The following PCDH17 variants were observed in gnomAD, a reference collection of about 807,000 sequenced individuals.
PCDH17 encodes the protein protocadherin 17.
Under a neutral mutation model 67.7 loss-of-function variants are expected in PCDH17, and 21 were observed. The observed-to-expected ratio is 0.31, with a 90% CI of 0.22 to 0.45. The LOEUF (loss-of-function observed/expected upper bound fraction) is 0.45, where lower values mean the gene tolerates loss of function less well. PCDH17 is among the 20% of genes least tolerant of loss of function. The pLI is 1.00. For missense variants in PCDH17, 1,471 were observed against 1,564.8 expected, an observed-to-expected ratio of 0.94 and a Z score of 1.01; for synonymous variants, 701 against 656.7, an observed-to-expected ratio of 1.07 and a Z score of -1.03.
At chr13:57,643,595 A>G (rs1954929892) in intron 1 of PCDH17, among the ~76,000 whole-genome samples, 1 of 151,616 alleles carries the variant, frequency 6.6e-6, no homozygotes, top group Non-Finnish European at 1.5e-5. Flanking sequence ...ATCTATTTTA[A>G]AATAGTATAT....
Position 57,634,429 on chromosome 13 carries a change from T to G in PCDH17, c.1883T>G (p.Val628Gly). ...AGCGGGCGTCTCACCTACGAGATCGTGGACGGCAACGACGACCACCTGTTT... is the reference window on the plus strand; with the variant it reads ...AGCGGGCGTCTCACCTACGAGATCGGGGACGGCAACGACGACCACCTGTTT... ...GESGRLTYEI[V>G]DGNDDHLFEI... Residue 628 changes from valine to glycine, a missense_variant, in exon 1 of 4, where the codon GTG (valine) becomes GGG (glycine). Physicochemically the swap from Val to Gly is moderately radical, Grantham distance 109. Transcript: ENST00000377918. This position sits in a 1 kb window ranked among gnomAD's most constrained non-coding sequence, Gnocchi z 7.8. 6.2e-7 allele frequency: 1 copy of G among 1,612,716 alleles called. No homozygotes were observed. The highest frequency in any genetic ancestry group is 8.5e-7 in the Non-Finnish European group (1 of 1,179,924).
rs373977410 is a variant in PCDH17, at chr13:57,634,262, A to T, written c.1716A>T (p.Thr572=). The T allele has an allele frequency of 2.5e-6, 4 of 1,613,126 alleles. No individual in the cohort carries two copies. The highest frequency in any genetic ancestry group is 2.7e-5 in the African/African-American group (2 of 74,936). Residue 572 remains threonine (T), a synonymous_variant, in exon 1 of 4, where the codon ACA becomes ACT. Coordinates refer to ENST00000377918, the MANE Select transcript of PCDH17 (RefSeq NM_001040429.3). This position sits in a 1 kb window ranked among gnomAD's most constrained non-coding sequence, Gnocchi z 7.8. ...HLESNATVRV[T]VLDVNDNAPV... ...AGAGCAACGCCACGGTGAGGGTGACAGTGCTAGACGTGAATGACAACGCGC... is the reference window on the plus strand; with the variant it reads ...AGAGCAACGCCACGGTGAGGGTGACTGTGCTAGACGTGAATGACAACGCGC...
chr13:57,687,662 G>A (rs1955520792), intron 3 of PCDH17, among the ~76,000 whole-genome samples: 2 of 151,470 alleles, frequency 1.3e-5, no homozygotes, highest in Non-Finnish European at 2.9e-5. Context: ...CTTTCATTTG[G>A]ATTCAGCAAT....
At chr13:57,682,430 CGAT>C (rs1955460232) in intron 3 of PCDH17, among the ~76,000 whole-genome samples, 2 of 151,698 alleles carry the variant, frequency 1.3e-5, no homozygotes, top group African/African-American at 4.8e-5. Context: ...GATCTGCTTG[CGAT>C]GTAAATCAGG....
intron 3 of PCDH17, among the ~76,000 whole-genome samples, chr13:57,695,336 A>C (rs764576577): frequency 2.6e-5 from 4 of 151,224 alleles, no homozygotes; most frequent in Non-Finnish European, 5.9e-5. Flanking sequence ...CAATTTTAGC[A>C]TAAACCCTTG....
chr13:57,643,602 A>G (rs1954929994), intron 1 of PCDH17, among the ~76,000 whole-genome samples: 1 of 151,652 alleles, frequency 6.6e-6, no homozygotes, highest in African/African-American at 2.4e-5. Context: ...TTAAAATAGT[A>G]TATCCCAAGT....
At chr13:57,684,579 C>T (rs1298722604) in intron 3 of PCDH17, among the ~76,000 whole-genome samples, 1 of 151,780 alleles carries the variant, frequency 6.6e-6, no homozygotes, top group African/African-American at 2.4e-5. Flanking sequence ...ATTCAAAACC[C>T]ATTATTTATC....
Position 57,728,137 on chromosome 13 carries a change from AT to A in PCDH17, c.*2844del, listed in dbSNP as rs1955928045. 6.6e-6 allele frequency: 1 copy of A among 152,506 alleles called. No homozygotes were observed. Among genetic ancestry groups the A allele is most frequent in the South Asian group, 2.1e-4 (1 of 4,830 alleles). 9.4% of individuals were successfully genotyped at this position (152,506 alleles called of 1,614,324 possible). A position where few individuals can be genotyped will look rare whatever the true frequency, so the allele number is the denominator to read the frequency against. Reference sequence around the variant, plus strand: ...TCAGCAGTCAGGACTCTAAGCTTTTATAGTTGAATTGAGGAAATCTCGCTTT... The same window carrying A: ...TCAGCAGTCAGGACTCTAAGCTTTTAAGTTGAATTGAGGAAATCTCGCTTT... On this transcript the variant is annotated 3_prime_UTR_variant, in exon 4 of 4. Transcript: ENST00000377918.
intron 3 of PCDH17, among the ~76,000 whole-genome samples, chr13:57,674,740 A>T (rs1374507326): frequency 6.6e-6 from 1 of 151,990 alleles, no homozygotes; most frequent in Non-Finnish European, 1.5e-5. Flanking sequence ...TTAGTTAGTT[A>T]AGAACTTAAG....
chr13:57,663,609 G>A (rs1047271902), intron 1 of PCDH17, among the ~76,000 whole-genome samples: 1 of 152,064 alleles, frequency 6.6e-6, no homozygotes. Context: ...TTATATGTTT[G>A]TTAAAGGCCA....
intron 1 of PCDH17, among the ~76,000 whole-genome samples, chr13:57,661,942 C>T (rs1038831326): frequency 5.9e-5 from 9 of 152,106 alleles, no homozygotes; most frequent in African/African-American, 2.2e-4. Context: ...TCACTGAAAC[C>T]TCCGCCTCCT....
intron 3 of PCDH17, among the ~76,000 whole-genome samples, chr13:57,696,353 C>A (rs1566239025): frequency 1.3e-5 from 2 of 150,768 alleles, no homozygotes; most frequent in African/African-American, 2.4e-5. Context: ...TATAAATGTT[C>A]AAAAAAAGTG....
intron 1 of PCDH17, among the ~76,000 whole-genome samples, chr13:57,651,597 C>A (rs1003822538): frequency 6.6e-6 from 1 of 152,018 alleles, no homozygotes; most frequent in African/African-American, 2.4e-5. Flanking sequence ...CTCAGCCTCT[C>A]AAAGTTCTGG....
intron 3 of PCDH17, among the ~76,000 whole-genome samples, chr13:57,699,883 A>C (rs1171706753): frequency 6.6e-6 from 1 of 152,104 alleles, no homozygotes; most frequent in African/African-American, 2.4e-5. Context: ...TGAAATTTTT[A>C]TTTGTTTTAC....
At position 57,634,994 on chromosome 13, in the gene PCDH17, C is replaced by G; in HGVS notation, c.2448C>G (p.Leu816=). ...LSSPRSEVMY[L]KPASNNLTVP... ...CGCCCCGGTCGGAGGTGATGTATCTCAAACCGGCCTCCAACAACCTGACTG... is the reference window on the plus strand; with the variant it reads ...CGCCCCGGTCGGAGGTGATGTATCTGAAACCGGCCTCCAACAACCTGACTG... The change falls in exon 1 of 4, where the codon CTC becomes CTG. Residue 816 remains leucine (L), a synonymous_variant. Transcript: ENST00000377918. This position sits in a 1 kb window ranked among gnomAD's most constrained non-coding sequence, Gnocchi z 7.8. The G allele has an allele frequency of 6.2e-7, 1 of 1,613,824 alleles. No homozygotes were observed. The highest frequency in any genetic ancestry group is 1.1e-5 in the South Asian group (1 of 91,060).
At chr13:57,643,669 A>G (rs1954930816) in intron 1 of PCDH17, among the ~76,000 whole-genome samples, 2 of 151,682 alleles carry the variant, frequency 1.3e-5, no homozygotes, top group Non-Finnish European at 3.0e-5. Flanking sequence ...CAAAAAAGAT[A>G]AATCACTAGT....
chr13:57,668,154 A>G (rs1034829609), intron 3 of PCDH17, among the ~76,000 whole-genome samples: 3 of 151,946 alleles, frequency 2.0e-5, no homozygotes, highest in African/African-American at 2.4e-5. Flanking sequence ...GAAAATTTAT[A>G]TGTTTACTTG....
chr13:57,714,067 T>A (rs1192690377), intron 3 of PCDH17, among the ~76,000 whole-genome samples: 1 of 151,634 alleles, frequency 6.6e-6, no homozygotes, highest in African/African-American at 2.4e-5. Flanking sequence ...ATTAAAAATA[T>A]TAAAATATTA....
At chr13:57,678,163 C>A (rs962949236) in intron 3 of PCDH17, among the ~76,000 whole-genome samples, 4 of 139,852 alleles carry the variant, frequency 2.9e-5, no homozygotes, top group Admixed American at 7.2e-5. Context: ...ATATATATAT[C>A]TCGAAACATC....
Sources: allele counts gnomAD v4.1 joint callset (sites outside exome capture counted in the v4.1 genomes callset), GRCh38; gene constraint gnomAD v4.1.1; non-coding constraint Gnocchi (gnomAD v3.1); transcripts MANE v1.5; gene names NCBI Gene and HGNC (gene_info 2026-07-23, HGNC 2026-07-21).